The following SLC44A1 variants were observed in gnomAD, a reference collection of about 807,000 sequenced individuals.
SLC44A1 encodes the protein choline transporter-like protein 1.
Under a neutral mutation model 79.3 loss-of-function variants are expected in SLC44A1, and 26 were observed. The ratio of observed to expected loss-of-function variants is 0.33; its 90% CI spans 0.24 to 0.46. The LOEUF (loss-of-function observed/expected upper bound fraction) is 0.46, where lower values mean the gene tolerates loss of function less well. Ranked by LOEUF, SLC44A1 falls within the 20% of genes least tolerant of loss-of-function variation. SLC44A1 has a pLI of 1.00. For missense variants in SLC44A1, 688 were observed against 798.1 expected, an observed-to-expected ratio of 0.86 and a Z score of 1.66; for synonymous variants, 263 against 286.2, an observed-to-expected ratio of 0.92 and a Z score of 0.82.
chr9:105,336,134 A>G (rs995043994), intron 4 of SLC44A1, among the ~76,000 whole-genome samples: 21 of 145,068 alleles, frequency 1.4e-4, no homozygotes, highest in Admixed American at 3.5e-4. Context: ...GTGTGTGTGC[A>G]TGTGTGTGTG....
At chr9:105,321,774 T>C (rs532560010) in intron 3 of SLC44A1, among the ~76,000 whole-genome samples, 1 of 151,342 alleles carries the variant, frequency 6.6e-6, no homozygotes, top group East Asian at 1.9e-4. Flanking sequence ...TCTAACAGGA[T>C]ATATGTGGGA....
At chr9:105,305,403 C>T (rs10820795) in intron 2 of SLC44A1, among the ~76,000 whole-genome samples, 33,260 of 151,866 alleles carry the variant, frequency 0.22, 6,545 homozygotes, top group African/African-American at 0.53. Flanking sequence ...TACATAAATA[C>T]TCACTCTGCA....
Position 105,396,435 on chromosome 9 carries a change from C to G in SLC44A1, c.*7379C>G. ...ACCCTATCTTCTGAAGACCAAAGGT[C>G]CAACTTTACTTACTGGCTGGCACAG... On this transcript the variant is annotated 3_prime_UTR_variant, in exon 16 of 16. Transcript: ENST00000374720. The G allele has an allele frequency of 2.0e-6, 2 of 985,430 alleles. No individual in the cohort carries two copies. The highest frequency in any genetic ancestry group is 2.4e-6 in the Non-Finnish European group (2 of 829,936). 61.0% of individuals were successfully genotyped at this position (985,430 alleles called of 1,614,324 possible). A position where few individuals can be genotyped will look rare whatever the true frequency, so the allele number is the denominator to read the frequency against.
At chr9:105,251,102 C>T (rs1829574999) in intron 1 of SLC44A1, among the ~76,000 whole-genome samples, 1 of 152,178 alleles carries the variant, frequency 6.6e-6, no homozygotes, top group Non-Finnish European at 1.5e-5. Flanking sequence ...GTCCTGGTCG[C>T]TGATCCTTAT....
chr9:105,369,005 T>A (rs953347859), intron 12 of SLC44A1, among the ~76,000 whole-genome samples: 2 of 152,158 alleles, frequency 1.3e-5, no homozygotes, highest in Non-Finnish European at 1.5e-5. Context: ...GCCATTGCAT[T>A]CCAGCCTGGG....
chr9:105,381,288 C>A (rs1264123241), intron 13 of SLC44A1, among the ~76,000 whole-genome samples: 3 of 151,946 alleles, frequency 2.0e-5, no homozygotes, highest in African/African-American at 7.3e-5. Flanking sequence ...ACCTGTAATC[C>A]CAGCACTTTG....
chr9:105,404,597 T>A (rs1385264905), intron 15 of SLC44A1, among the ~76,000 whole-genome samples: 1 of 152,236 alleles, frequency 6.6e-6, no homozygotes, highest in Non-Finnish European at 1.5e-5. Context: ...TAAAATGTTA[T>A]ATGCTCAGCC....
intron 5 of SLC44A1, among the ~76,000 whole-genome samples, chr9:105,349,751 C>T (rs1427399270): frequency 1.3e-5 from 2 of 152,074 alleles, no homozygotes; most frequent in Non-Finnish European, 2.9e-5. Context: ...TAAATATATT[C>T]TTTGAATATA....
At chr9:105,403,168 A>G (rs1828980841) in intron 15 of SLC44A1, among the ~76,000 whole-genome samples, 1 of 152,098 alleles carries the variant, frequency 6.6e-6, no homozygotes, top group African/African-American at 2.4e-5. Flanking sequence ...ATAAACAGGA[A>G]GAAACAAATA....
chr9:105,424,827 G>A (rs965803006), intron 15 of SLC44A1, among the ~76,000 whole-genome samples: 1 of 151,712 alleles, frequency 6.6e-6, no homozygotes, highest in Non-Finnish European at 1.5e-5. Context: ...CACACCTGTA[G>A]TCTCAGATAC....
Position 105,389,711 on chromosome 9 carries a change from G to T in SLC44A1, c.*655G>T. On this transcript the variant is annotated 3_prime_UTR_variant, in exon 16 of 16. Coordinates refer to ENST00000374720, the MANE Select transcript of SLC44A1 (RefSeq NM_080546.5). Reference sequence around the variant, plus strand: ...TCAGGTATTTGTAGTTTACCCTAACGCTTCTTTAAAAGAAAGTAGGTAAAA... The same window carrying T: ...TCAGGTATTTGTAGTTTACCCTAACTCTTCTTTAAAAGAAAGTAGGTAAAA... The T allele has an allele frequency of 1.6e-6, 2 of 1,270,804 alleles. No homozygotes were observed. The highest frequency in any genetic ancestry group is 2.0e-6 in the Non-Finnish European group (2 of 1,006,548). The allele number at this position is 1,270,804 out of a possible 1,614,324, so 78.7% of individuals were successfully genotyped here.
intron 1 of SLC44A1, among the ~76,000 whole-genome samples, chr9:105,287,360 ATTAAT>A (rs1830502209): frequency 6.6e-6 from 1 of 152,222 alleles, no homozygotes; most frequent in African/African-American, 2.4e-5. Flanking sequence ...GAAAGTTACT[ATTAAT>A]TTGTTTCTTA....
chr9:105,326,930 C>G (rs1017773294), intron 3 of SLC44A1, among the ~76,000 whole-genome samples: 3 of 152,206 alleles, frequency 2.0e-5, no homozygotes, highest in African/African-American at 7.2e-5. Flanking sequence ...GGAACGTCAT[C>G]CTTGTCCTTC....
chr9:105,316,246 A>T (rs71494516), intron 3 of SLC44A1, among the ~76,000 whole-genome samples: 1,643 of 152,266 alleles, frequency 0.011, 10 homozygotes, highest in Non-Finnish European at 0.016. Flanking sequence ...GTGTAAGGGT[A>T]TGAGAGGTTA....
rs563408088 is a variant in SLC44A1, at chr9:105,258,143, C to T, written c.36+13239C>T. Reference sequence around the variant, plus strand: ...AGAAGGAAAGAACAGATGTTTTGAACGCCACATCATGGAAGAAGGGTATTA... The same window carrying T: ...AGAAGGAAAGAACAGATGTTTTGAATGCCACATCATGGAAGAAGGGTATTA... On this transcript the variant is annotated intron_variant, in intron 1 of 15. Transcript: ENST00000374720. Among the ~76,000 whole-genome samples the T allele has an allele frequency of 4.6e-5, 7 of 152,234 alleles. 1 individual carries two copies. In the South Asian group the frequency reaches 8.3e-4, roughly 18 times the overall value.
Position 105,378,460 on chromosome 9 carries a change from G to A in SLC44A1, c.1632+3725G>A, listed in dbSNP as rs117840880. On this transcript the variant is annotated intron_variant, in intron 13 of 15. Coordinates refer to ENST00000374720, the MANE Select transcript of SLC44A1 (RefSeq NM_080546.5). ...TTACTAACCTAAAGCTTGTATTTGT[G>A]TGTAAATCTTGCCCACATCAATCTT... Among the ~76,000 whole-genome samples, 1,108 of 152,230 alleles carry A rather than the reference G, an allele frequency of 7.3e-3. 13 individuals carry two copies. The highest frequency in any genetic ancestry group is 9.1e-3 in the Non-Finnish European group (621 of 68,022).
intron 3 of SLC44A1, among the ~76,000 whole-genome samples, chr9:105,313,211 T>G (rs1377972555): frequency 1.3e-5 from 2 of 152,242 alleles, no homozygotes; most frequent in African/African-American, 4.8e-5. Flanking sequence ...GAGCTTTCCT[T>G]TAATTTGATT....
At chr9:105,429,748 C>T (rs568061502) in intron 15 of SLC44A1, among the ~76,000 whole-genome samples, 8 of 152,090 alleles carry the variant, frequency 5.3e-5, no homozygotes, top group Non-Finnish European at 1.2e-4. Context: ...ATAGTAAAAA[C>T]ATTAACACTT....
chr9:105,262,292 T>A (rs1829860082), intron 1 of SLC44A1, among the ~76,000 whole-genome samples: 1 of 152,214 alleles, frequency 6.6e-6, no homozygotes, highest in Non-Finnish European at 1.5e-5. Flanking sequence ...ATAAAGTTAT[T>A]GTGTCTGTAG....
Sources: gnomAD v4.1 joint callset for allele counts (sites outside exome capture counted in the v4.1 genomes callset) on GRCh38, gnomAD v4.1.1 for gene constraint, MANE v1.5 for transcripts, NCBI Gene and HGNC (gene_info 2026-07-23, HGNC 2026-07-21) for gene names.